Variants in FSTL5 observed in about 807,000 individuals in gnomAD.
FSTL5 encodes the protein follistatin-related protein 5.
FSTL5 carries 62 observed loss-of-function variants against 89.1 expected under a neutral mutation model. That is an observed-to-expected ratio of 0.70 (90% confidence interval 0.57 to 0.86). The LOEUF (loss-of-function observed/expected upper bound fraction) is 0.86, where lower values mean the gene tolerates loss of function less well. Among genes scored for constraint, FSTL5 ranks in the 40% least tolerant of loss-of-function variants. The probability of loss-of-function intolerance (pLI) is 0.00; values close to 1 mark genes in which losing one functional copy is unlikely to be tolerated. For synonymous variants in FSTL5, 383 were observed against 346.2 expected (o/e 1.11, Z -1.18); for missense variants, 1,057 against 1,001.6 (o/e 1.06, Z -0.75).
At chr4:162,035,371 A>T (rs1737695719) in intron 2 of FSTL5, 1 of 152,094 alleles carries the variant, frequency 6.6e-6, no homozygotes, top group African/African-American at 2.4e-5. Flanking sequence ...ACAGGGATAA[A>T]TTGATTTTTG....
At chr4:161,578,663 C>CA (rs1453976217) in intron 8 of FSTL5, among the ~76,000 whole-genome samples, 4 of 151,732 alleles carry the variant, frequency 2.6e-5, no homozygotes, top group Non-Finnish European at 5.9e-5. Context: ...AAAAGCAAAC[C>CA]AAGGCTTACC....
chr4:161,801,932 C>T (rs1488759930), intron 4 of FSTL5, among the ~76,000 whole-genome samples: 1 of 151,546 alleles, frequency 6.6e-6, no homozygotes, highest in Admixed American at 6.6e-5. Flanking sequence ...ATGTCTTTCT[C>T]CTGGTCTTCA....
intron 7 of FSTL5, among the ~76,000 whole-genome samples, chr4:161,611,465 A>C (rs1734649689): frequency 6.6e-6 from 1 of 151,934 alleles, no homozygotes. Flanking sequence ...CTTATCACTA[A>C]ATAGCTAAAA....
intron 2 of FSTL5, among the ~76,000 whole-genome samples, chr4:162,081,465 T>C (rs1282311051): frequency 6.6e-6 from 1 of 151,590 alleles, no homozygotes; most frequent in Non-Finnish European, 1.5e-5. Context: ...AAAGCCCTGA[T>C]AAATTAAACA....
At chr4:161,660,689 CA>C (rs945101380) in intron 6 of FSTL5, among the ~76,000 whole-genome samples, 26 of 152,018 alleles carry the variant, frequency 1.7e-4, no homozygotes, top group African/African-American at 5.8e-4. Context: ...GTGTTCTCAT[CA>C]TTTAGCTCCC....
At chr4:162,014,534 A>AGAGAATAT (rs139512658) in intron 3 of FSTL5, among the ~76,000 whole-genome samples, 16,109 of 152,178 alleles carry the variant, frequency 0.11, 881 homozygotes, top group Non-Finnish European at 0.13. Flanking sequence ...CTGTGCCTTG[A>AGAGAATAT]GTTAGATAAA....
intron 6 of FSTL5, among the ~76,000 whole-genome samples, chr4:161,668,806 A>G (rs1276397881): frequency 6.6e-6 from 1 of 152,142 alleles, no homozygotes; most frequent in Non-Finnish European, 1.5e-5. Flanking sequence ...ACTTGGATGA[A>G]TTTATTAAAG....
intron 12 of FSTL5, among the ~76,000 whole-genome samples, chr4:161,494,850 A>T (rs1434793091): frequency 6.6e-6 from 1 of 152,130 alleles, no homozygotes; most frequent in Non-Finnish European, 1.5e-5. Context: ...TCTTGAGCCC[A>T]GGAATTAGAG....
At chr4:161,825,012 A>G (rs1395846908) in intron 4 of FSTL5, among the ~76,000 whole-genome samples, 2 of 152,090 alleles carry the variant, frequency 1.3e-5, no homozygotes, top group Non-Finnish European at 2.9e-5. Context: ...CATTCAGTGT[A>G]ATGTTGGCTG....
At chr4:161,967,173 T>TTA (rs1735352826) in intron 3 of FSTL5, among the ~76,000 whole-genome samples, 3 of 152,084 alleles carry the variant, frequency 2.0e-5, no homozygotes, top group Non-Finnish European at 4.4e-5. Flanking sequence ...TTAGTTTACC[T>TTA]GAGATAGTCA....
chr4:161,791,653 G>T (rs143197516), intron 4 of FSTL5, among the ~76,000 whole-genome samples: 1 of 152,176 alleles, frequency 6.6e-6, no homozygotes, highest in East Asian at 1.9e-4. Context: ...GGACAGCGGT[G>T]GGTATCAGTA....
chr4:161,490,143 A>G (rs942832469), intron 12 of FSTL5, among the ~76,000 whole-genome samples: 29 of 152,150 alleles, frequency 1.9e-4, no homozygotes, highest in Non-Finnish European at 2.9e-4. Flanking sequence ...TTCTAATATT[A>G]TTGTGGAATA....
At chr4:161,689,905 T>C (rs1173149120) in intron 6 of FSTL5, among the ~76,000 whole-genome samples, 1 of 152,186 alleles carries the variant, frequency 6.6e-6, no homozygotes, top group Non-Finnish European at 1.5e-5. Context: ...ATCCAATATA[T>C]GACCTTTTCG....
Position 162,053,253 on chromosome 4 carries a change from G to GA in FSTL5, c.127-19596dup, listed in dbSNP as rs535200299. ...AAAAATACTTTCCTGAGTATTTTCT[G>GA]AGTGTTTTTCAGAGTATCTGTAACC... On this transcript the variant is annotated intron_variant, in intron 2 of 15. Coordinates refer to ENST00000306100, the MANE Select transcript of FSTL5 (RefSeq NM_020116.5). Among the ~76,000 whole-genome samples, 39 of 151,872 alleles carry GA rather than the reference G, an allele frequency of 2.6e-4. No individual in the cohort carries two copies. The South Asian group carries it at 8.1e-3, about 32-fold the overall frequency.
intron 5 of FSTL5, among the ~76,000 whole-genome samples, chr4:161,768,530 A>T (rs1478343995): frequency 6.6e-6 from 1 of 152,018 alleles, no homozygotes; most frequent in Non-Finnish European, 1.5e-5. Context: ...TCTATACAGA[A>T]TACAAGGAAA....
At chr4:161,455,240 T>C in intron 14 of FSTL5, 112 bp from the exon 15 acceptor site, 1 of 716,326 alleles carries the variant, frequency 1.4e-6, no homozygotes, top group Non-Finnish European at 2.0e-6. Flanking sequence ...TGCATAGACT[T>C]TATGCCATCC....
At chr4:161,834,454 C>T (rs570735913) in intron 4 of FSTL5, among the ~76,000 whole-genome samples, 4 of 151,836 alleles carry the variant, frequency 2.6e-5, no homozygotes, top group Non-Finnish European at 5.9e-5. Flanking sequence ...CTGGCCAGGG[C>T]GATTAGGCAG....
chr4:161,794,073 A>G (rs1729556698), intron 4 of FSTL5, among the ~76,000 whole-genome samples: 1 of 152,220 alleles, frequency 6.6e-6, no homozygotes, highest in Non-Finnish European at 1.5e-5. Flanking sequence ...CTTTAAAGGC[A>G]TACTGAATGA....
At chr4:161,863,612 A>G (rs995723663) in intron 4 of FSTL5, among the ~76,000 whole-genome samples, 3 of 152,156 alleles carry the variant, frequency 2.0e-5, no homozygotes, top group African/African-American at 7.2e-5. Flanking sequence ...GCCTTTTCCA[A>G]TTCCTGGTTT....
Sources: gnomAD v4.1 joint callset for allele counts (sites outside exome capture counted in the v4.1 genomes callset) on GRCh38, gnomAD v4.1.1 for gene constraint, MANE v1.5 for transcripts, NCBI Gene and HGNC (gene_info 2026-07-23, HGNC 2026-07-21) for gene names.